Variants in LDLRAD4 observed in about 807,000 individuals in gnomAD.
LDLRAD4 encodes the protein low-density lipoprotein receptor class A domain-containing protein 4.
LDLRAD4 carries 5 observed loss-of-function variants against 17.0 expected under a neutral mutation model. The ratio of observed to expected loss-of-function variants is 0.29; its 90% CI spans 0.15 to 0.62. The LOEUF (loss-of-function observed/expected upper bound fraction) is 0.62. Among genes scored for constraint, LDLRAD4 ranks in the 20% least tolerant of loss-of-function variants. LDLRAD4 has a pLI of 0.84. For synonymous variants in LDLRAD4, 168 were observed against 171.8 expected (o/e 0.98, Z 0.17); for missense variants, 340 against 424.7 (o/e 0.80, Z 1.75).
intron 3 of LDLRAD4, chr18:13,461,094 C>T (rs1568192321): frequency 2.0e-5 from 3 of 152,232 alleles, no homozygotes; most frequent in African/African-American, 7.2e-5. Flanking sequence ...CTTGCTGTCT[C>T]TTGAGTACCG....
At chr18:13,308,092 A>C (rs1335242015) in intron 1 of LDLRAD4, among the ~76,000 whole-genome samples, 1 of 152,162 alleles carries the variant, frequency 6.6e-6, no homozygotes, top group Non-Finnish European at 1.5e-5. Context: ...AACAACTTTA[A>C]AAACAAATTA....
intron 3 of LDLRAD4, among the ~76,000 whole-genome samples, chr18:13,597,627 T>C (rs1048334399): frequency 6.6e-6 from 1 of 152,196 alleles, no homozygotes; most frequent in African/African-American, 2.4e-5. Context: ...ATCATTTTTC[T>C]GTTACTCAGA....
intron 3 of LDLRAD4, among the ~76,000 whole-genome samples, chr18:13,464,180 C>G (rs1338007543): frequency 6.6e-6 from 1 of 152,222 alleles, no homozygotes; most frequent in Non-Finnish European, 1.5e-5. Context: ...AGACTAATCT[C>G]TGCATAAACA....
intron 3 of LDLRAD4, among the ~76,000 whole-genome samples, chr18:13,461,676 C>T (rs2092435990): frequency 6.6e-6 from 1 of 152,172 alleles, no homozygotes; most frequent in South Asian, 2.1e-4. Context: ...TGTAAATTAA[C>T]TAGTGGCCTT....
At chr18:13,230,201 C>T (rs1257543778) in intron 1 of LDLRAD4, among the ~76,000 whole-genome samples, 2 of 152,216 alleles carry the variant, frequency 1.3e-5, no homozygotes, top group Admixed American at 6.5e-5. Flanking sequence ...CCTCACCACA[C>T]ACCAGATCTG....
At chr18:13,482,418 G>A (rs2093114698) in intron 3 of LDLRAD4, among the ~76,000 whole-genome samples, 1 of 152,252 alleles carries the variant, frequency 6.6e-6, no homozygotes, top group Non-Finnish European at 1.5e-5. Context: ...TGACTCCCAT[G>A]AGCGTGAGCA....
intron 1 of LDLRAD4, among the ~76,000 whole-genome samples, chr18:13,304,590 T>A (rs1434637820): frequency 6.6e-6 from 1 of 152,184 alleles, no homozygotes; most frequent in Non-Finnish European, 1.5e-5. Flanking sequence ...CCCTGAGGAA[T>A]GAGGCCAGGC....
At chr18:13,456,519 C>G (rs990413309) in intron 3 of LDLRAD4, among the ~76,000 whole-genome samples, 1 of 152,180 alleles carries the variant, frequency 6.6e-6, no homozygotes, top group East Asian at 1.9e-4. Context: ...TTCCTCTAAC[C>G]CACATCATGT....
intron 3 of LDLRAD4, among the ~76,000 whole-genome samples, chr18:13,452,663 C>A (rs1434535951): frequency 6.6e-6 from 1 of 152,206 alleles, no homozygotes; most frequent in East Asian, 1.9e-4. Flanking sequence ...TCCTGACAGT[C>A]AGCATCTTGG....
intron 1 of LDLRAD4, among the ~76,000 whole-genome samples, chr18:13,385,433 C>T (rs780511579): frequency 2.2e-4 from 33 of 152,132 alleles, no homozygotes; most frequent in Non-Finnish European, 4.3e-4. Context: ...TATCGGTTGT[C>T]TCTTCATTCT....
intron 3 of LDLRAD4, among the ~76,000 whole-genome samples, chr18:13,572,298 G>A (rs537153488): frequency 2.0e-5 from 3 of 152,348 alleles, no homozygotes; most frequent in South Asian, 2.1e-4. Flanking sequence ...CTGCTGCTGA[G>A]CCACCCCTGG....
chr18:13,560,944 G>A (rs994086322), intron 3 of LDLRAD4, among the ~76,000 whole-genome samples: 1 of 152,206 alleles, frequency 6.6e-6, no homozygotes, highest in Admixed American at 6.5e-5. Flanking sequence ...CTTCAAGCCT[G>A]TGTGAAATAA....
intron 1 of LDLRAD4, among the ~76,000 whole-genome samples, chr18:13,219,519 T>C (rs1413613926): frequency 1.3e-5 from 2 of 152,206 alleles, no homozygotes; most frequent in African/African-American, 4.8e-5. Flanking sequence ...ACATATTTAT[T>C]GAGGGCCTAC....
chr18:13,618,311 G>T (rs2040276178), intron 3 of LDLRAD4, among the ~76,000 whole-genome samples: 1 of 152,232 alleles, frequency 6.6e-6, no homozygotes, highest in Non-Finnish European at 1.5e-5. Context: ...GGGACGGAGT[G>T]GGGCTTGGTG....
intron 1 of LDLRAD4, among the ~76,000 whole-genome samples, chr18:13,286,927 T>G (rs560126819): frequency 8.2e-4 from 124 of 152,124 alleles, no homozygotes; most frequent in Non-Finnish European, 5.6e-4. Context: ...GCAGAGTGAC[T>G]TTTGGGCTTC....
chr18:13,383,278 G>A (rs2085525424), intron 1 of LDLRAD4, among the ~76,000 whole-genome samples: 1 of 152,246 alleles, frequency 6.6e-6, no homozygotes, highest in Admixed American at 6.5e-5. Flanking sequence ...TGGGTGCCAA[G>A]GGGAACTGGA....
intron 3 of LDLRAD4, chr18:13,521,597 T>C (rs1225550684): frequency 6.6e-6 from 1 of 152,040 alleles, no homozygotes; most frequent in Non-Finnish European, 1.5e-5. Flanking sequence ...TTTTGTGATA[T>C]GAGTGGCGTG....
At position 13,641,057 on chromosome 18, in the gene LDLRAD4, T is replaced by C. The variant is rs115283574; in HGVS notation, c.337-2302T>C. Among the ~76,000 whole-genome samples, 776 of 152,242 alleles carry C rather than the reference T, an allele frequency of 5.1e-3. 6 individuals are homozygous for C. Among genetic ancestry groups the C allele is most frequent in the African/African-American group, 0.018 (736 of 41,526 alleles). ...ATGTATACATGTATTACGTGTGTAG[T>C]TTTTTAAAGTACACATATAGAGGAA... On this transcript the variant is annotated intron_variant, in intron 4 of 5. Transcript: ENST00000359446.
Position 13,440,036 on chromosome 18 carries a change from G to T in LDLRAD4, c.181+1652G>T, listed in dbSNP as rs1478439538. Among the ~76,000 whole-genome samples, 1 of 152,210 alleles carries T rather than the reference G, an allele frequency of 6.6e-6. No individual in the cohort carries two copies. The highest frequency in any genetic ancestry group is 2.4e-5 in the African/African-American group (1 of 41,454). ...GGCTTGGGGTCTTAGAAGGAGGTGA[G>T]TACAAGCAGCATCTTACTCTGTTTT... On this transcript the variant is annotated intron_variant, in intron 3 of 5. Transcript: ENST00000359446. This position sits in a 1 kb window ranked among gnomAD's most constrained non-coding sequence, Gnocchi z 4.4.
Sources: gnomAD v4.1 joint callset for allele counts (sites outside exome capture counted in the v4.1 genomes callset) on GRCh38, gnomAD v4.1.1 for gene constraint, Gnocchi (gnomAD v3.1) non-coding constraint, MANE v1.5 for transcripts, NCBI Gene and HGNC (gene_info 2026-07-23, HGNC 2026-07-21) for gene names.